Variants in ATP10B observed in about 807,000 individuals in gnomAD.
ATP10B encodes the protein ATPase phospholipid transporting 10B (putative).
Under a neutral mutation model 141.2 loss-of-function variants are expected in ATP10B, and 122 were observed. That is an observed-to-expected ratio of 0.86 (90% CI 0.75 to 1.00). ATP10B has a LOEUF of 1.00. ATP10B is among the 50% of genes least tolerant of loss of function. ATP10B has a pLI of 0.00. For synonymous variants in ATP10B, 685 were observed against 692.0 expected (o/e 0.99, Z 0.16); for missense variants, 1,876 against 1,825.3 (o/e 1.03, Z -0.51).
intron 21 of ATP10B, 151 bp downstream of exon 21, chr5:160,602,424 CAG>C: frequency 1.1e-6 from 1 of 943,602 alleles, no homozygotes; most frequent in Non-Finnish European, 1.6e-6. Flanking sequence ...CTCAAGGTCA[CAG>C]AGCTATTAAG....
At chr5:160,693,988 G>C (rs927714285) in intron 3 of ATP10B, among the ~76,000 whole-genome samples, 2 of 152,210 alleles carry the variant, frequency 1.3e-5, no homozygotes, top group African/African-American at 4.8e-5. Flanking sequence ...GCTGAGGCTG[G>C]AGAGACAGCC....
intron 24 of ATP10B, among the ~76,000 whole-genome samples, chr5:160,573,917 T>G (rs1034248840): frequency 6.0e-4 from 91 of 152,346 alleles, no homozygotes; most frequent in African/African-American, 2.1e-3. Context: ...AAGAACGATG[T>G]AACATTCCTG....
chr5:160,668,220 A>C (rs1762442217), intron 7 of ATP10B, among the ~76,000 whole-genome samples: 1 of 83,990 alleles, frequency 1.2e-5, no homozygotes, highest in African/African-American at 5.1e-5. Context: ...ACAGAGCGAG[A>C]CTGTCCAAAA....
intron 21 of ATP10B, among the ~76,000 whole-genome samples, chr5:160,602,065 A>G (rs997875371): frequency 6.6e-6 from 1 of 152,232 alleles, no homozygotes; most frequent in Non-Finnish European, 1.5e-5. Flanking sequence ...TTGTTACAAT[A>G]AGAAAATCTC....
At chr5:160,579,652 T>G (rs1449269038) in intron 24 of ATP10B, among the ~76,000 whole-genome samples, 1 of 152,198 alleles carries the variant, frequency 6.6e-6, no homozygotes, top group Non-Finnish European at 1.5e-5. Flanking sequence ...CTATATGGGT[T>G]GTTTTGGTTC....
At chr5:160,657,540 A>AT (rs1761592424) in intron 7 of ATP10B, among the ~76,000 whole-genome samples, 1 of 152,082 alleles carries the variant, frequency 6.6e-6, no homozygotes, top group Admixed American at 6.5e-5. Flanking sequence ...TATCTTAAGG[A>AT]TTTTTTACAG....
chr5:160,681,289 A>G (rs1467697978), intron 6 of ATP10B, among the ~76,000 whole-genome samples: 7 of 152,238 alleles, frequency 4.6e-5, no homozygotes. Context: ...GTTCTTCCTC[A>G]GTCCATCTCA....
chr5:160,900,890 C>CT, the ATP10B span, among the ~76,000 whole-genome samples: 1 of 138,854 alleles, frequency 7.2e-6, no homozygotes, highest in African/African-American at 2.6e-5. Context: ...AGTATAAATC[C>CT]TTTTGGGGGG....
At chr5:160,644,396 T>C (rs1760119447) in intron 8 of ATP10B, 152 bp from the exon 9 acceptor site, 1 of 639,298 alleles carries the variant, frequency 1.6e-6, no homozygotes, top group South Asian at 1.8e-5. Flanking sequence ...TCTAATCTCC[T>C]TCATGTTCAA....
chr5:160,924,769 A>T, the ATP10B span, among the ~76,000 whole-genome samples: 1 of 152,252 alleles, frequency 6.6e-6, no homozygotes, highest in East Asian at 1.9e-4. Flanking sequence ...AAGAGATTTT[A>T]TATCAACAGA....
chr5:160,887,561 C>T, the ATP10B span, among the ~76,000 whole-genome samples: 1 of 152,236 alleles, frequency 6.6e-6, no homozygotes, highest in East Asian at 1.9e-4. Context: ...AGTAAGAGCC[C>T]AAGTCCTTAA....
intron 2 of ATP10B, among the ~76,000 whole-genome samples, chr5:160,768,486 C>G (rs1769649458): frequency 6.6e-6 from 1 of 152,146 alleles, no homozygotes. Flanking sequence ...CAAGGTCATC[C>G]TCACTTTCCA....
chr5:160,610,512 A>G (rs927202520), intron 18 of ATP10B, among the ~76,000 whole-genome samples: 4 of 152,168 alleles, frequency 2.6e-5, no homozygotes, highest in South Asian at 2.1e-4. Flanking sequence ...AAACCATAAG[A>G]TAATAAATGT....
At chr5:160,920,300 T>C in the ATP10B span, among the ~76,000 whole-genome samples, 1 of 152,212 alleles carries the variant, frequency 6.6e-6, no homozygotes, top group East Asian at 1.9e-4. Context: ...TTTTGCTCAA[T>C]TGCTGGATAA....
At chr5:160,765,388 A>G (rs1769326740) in intron 2 of ATP10B, among the ~76,000 whole-genome samples, 1 of 152,176 alleles carries the variant, frequency 6.6e-6, no homozygotes, top group African/African-American at 2.4e-5. Flanking sequence ...GGAACAGAAT[A>G]GAGAACTCAG....
chr5:160,669,728 T>C (rs1225823874), intron 7 of ATP10B, among the ~76,000 whole-genome samples: 12 of 149,876 alleles, frequency 8.0e-5, no homozygotes, highest in Non-Finnish European at 1.8e-4. Flanking sequence ...GTCTCCTGAG[T>C]AGCTGGGACT....
chr5:160,650,671 C>T (rs1471903356), intron 7 of ATP10B, among the ~76,000 whole-genome samples: 1 of 152,118 alleles, frequency 6.6e-6, no homozygotes, highest in East Asian at 1.9e-4. Context: ...GTCTTCAGGA[C>T]CCAGACCTTA....
intron 1 of ATP10B, among the ~76,000 whole-genome samples, chr5:160,832,288 A>T (rs1008119833): frequency 2.6e-5 from 4 of 152,154 alleles, no homozygotes; most frequent in Non-Finnish European, 5.9e-5. Flanking sequence ...TATTTGTAGT[A>T]TTATGTATTT....
chr5:160,599,131 C>T (rs1186712267), intron 21 of ATP10B, among the ~76,000 whole-genome samples, 161 bp from the exon 22 acceptor site: 2 of 152,176 alleles, frequency 1.3e-5, no homozygotes, highest in Non-Finnish European at 2.9e-5. Flanking sequence ...GGAGCAGTAG[C>T]TACCACTGTT....
Sources: allele counts gnomAD v4.1 joint callset (sites outside exome capture counted in the v4.1 genomes callset), GRCh38; gene constraint gnomAD v4.1.1; transcripts MANE v1.5; gene names NCBI Gene and HGNC (gene_info 2026-07-23, HGNC 2026-07-21).